NRXN3: variants seen among roughly 807,000 people sequenced by gnomAD.
The protein encoded by NRXN3 is neurexin III.
Under a neutral mutation model 137.6 loss-of-function variants are expected in NRXN3, and 32 were observed. The observed-to-expected ratio is 0.23, with a 90% CI of 0.18 to 0.31. The LOEUF (loss-of-function observed/expected upper bound fraction) is 0.31, where lower values mean the gene tolerates loss of function less well. NRXN3 is among the 10% of genes least tolerant of loss of function. The pLI is 1.00. For synonymous variants in NRXN3, 798 were observed against 784.5 expected, an observed-to-expected ratio of 1.02 and a Z score of -0.29; for missense variants, 1,574 against 2,062.5, an observed-to-expected ratio of 0.76 and a Z score of 4.59.
chr14:78,975,439 T>C (rs1239692868), intron 14 of NRXN3, among the ~76,000 whole-genome samples: 1 of 152,176 alleles, frequency 6.6e-6, no homozygotes, highest in Non-Finnish European at 1.5e-5. Context: ...GGGGATATGA[T>C]AGCACATGAA....
At chr14:79,805,721 A>G (rs979265616) in intron 20 of NRXN3, among the ~76,000 whole-genome samples, 9 of 152,214 alleles carry the variant, frequency 5.9e-5, no homozygotes, top group African/African-American at 2.2e-4. Flanking sequence ...AACAGCAGTT[A>G]ACATGGTATT....
chr14:79,026,531 T>A (rs1045863667), intron 15 of NRXN3, among the ~76,000 whole-genome samples: 9 of 151,764 alleles, frequency 5.9e-5, no homozygotes, highest in African/African-American at 2.2e-4. Context: ...ACCAGAAAAA[T>A]TGAATCAATG....
intron 19 of NRXN3, among the ~76,000 whole-genome samples, chr14:79,749,459 G>T (rs1182966825): frequency 2.6e-5 from 4 of 151,764 alleles, no homozygotes; most frequent in African/African-American, 9.7e-5. Flanking sequence ...TAGTGACAGG[G>T]TATTACTATG....
chr14:79,450,823 G>A lies in NRXN3; in HGVS notation c.3263-16398G>A, dbSNP rs1229660008. On this transcript the variant is annotated intron_variant, in intron 15 of 20. Coordinates refer to ENST00000335750, the MANE Select transcript of NRXN3 (RefSeq NM_001330195.2). Reference sequence around the variant, plus strand: ...AGAGGTTGCAGTGGGCCGGGCTCACGCCACTGCACTCCAGCCTGGGCAACA... The same window carrying A: ...AGAGGTTGCAGTGGGCCGGGCTCACACCACTGCACTCCAGCCTGGGCAACA... 7.3e-5 allele frequency among the ~76,000 whole-genome samples: 11 copies of A among 151,510 alleles called. No individual in the cohort carries two copies. The East Asian group carries it at 1.8e-3, about 24-fold the overall frequency.
At chr14:79,165,877 C>T (rs377696159) in intron 15 of NRXN3, among the ~76,000 whole-genome samples, 8 of 152,036 alleles carry the variant, frequency 5.3e-5, no homozygotes, top group Non-Finnish European at 7.4e-5. Flanking sequence ...ACTGCTGATC[C>T]GTGCCTGATG....
intron 16 of NRXN3, among the ~76,000 whole-genome samples, chr14:79,539,230 C>T (rs1167306447): frequency 2.6e-5 from 4 of 152,080 alleles, no homozygotes; most frequent in African/African-American, 4.8e-5. Context: ...GACTGGGTTT[C>T]ACCACGTTGG....
intron 15 of NRXN3, among the ~76,000 whole-genome samples, chr14:79,341,490 A>G (rs1237059094): frequency 1.3e-5 from 2 of 152,182 alleles, no homozygotes; most frequent in East Asian, 1.9e-4. Context: ...GACCCACTGA[A>G]AGAGAATCAG....
chr14:78,983,581 G>A (rs1053541647), intron 14 of NRXN3, among the ~76,000 whole-genome samples: 4 of 152,080 alleles, frequency 2.6e-5, no homozygotes, highest in African/African-American at 9.7e-5. Context: ...TGGGAAGGCT[G>A]GGTGTGGTGG....
chr14:79,035,541 A>G (rs560543360), intron 15 of NRXN3, among the ~76,000 whole-genome samples: 1 of 152,126 alleles, frequency 6.6e-6, no homozygotes, highest in South Asian at 2.1e-4. Flanking sequence ...ATATACTTAT[A>G]CAGCATCTTA....
At chr14:78,527,234 C>T (rs975744113) in intron 4 of NRXN3, among the ~76,000 whole-genome samples, 2 of 152,192 alleles carry the variant, frequency 1.3e-5, no homozygotes, top group Non-Finnish European at 2.9e-5. Flanking sequence ...GCTCATGGTA[C>T]TGCAGGCTGT....
intron 4 of NRXN3, among the ~76,000 whole-genome samples, chr14:78,327,646 A>G (rs548811207): frequency 1.3e-4 from 20 of 152,298 alleles, no homozygotes; most frequent in South Asian, 4.1e-4. Flanking sequence ...TGGAATGCCT[A>G]TTATCCGCCT....
chr14:79,818,428 C>T (rs548194563), intron 20 of NRXN3, among the ~76,000 whole-genome samples: 1 of 152,294 alleles, frequency 6.6e-6, no homozygotes, highest in African/African-American at 2.4e-5. Context: ...CCACCTTTAA[C>T]TGATGTTAGG....
At chr14:78,995,200 C>T (rs1369805252) in intron 15 of NRXN3, among the ~76,000 whole-genome samples, 1 of 152,154 alleles carries the variant, frequency 6.6e-6, no homozygotes, top group African/African-American at 2.4e-5. Flanking sequence ...TTATTTGCAT[C>T]ATATTGTGGA....
In NRXN3 at chr14:78,633,251, C is replaced by CAAAAAAAAAAAAAA. The variant is rs779442429; in HGVS notation, c.758-11865_758-11852dup. Among the ~76,000 whole-genome samples the CAAAAAAAAAAAAAA allele has an allele frequency of 9.8e-3, 664 of 67,930 alleles. 61 individuals carry two copies. Among genetic ancestry groups the CAAAAAAAAAAAAAA allele is most frequent in the East Asian group, 0.074 (162 of 2,180 alleles). 44.6% of individuals were successfully genotyped at this position (67,930 alleles called of 152,430 possible). A position where few individuals can be genotyped will look rare whatever the true frequency, so the allele number is the denominator to read the frequency against. On this transcript the variant is annotated intron_variant, in intron 4 of 20. Transcript: ENST00000335750. ...CCTGGGCTACAGAGCGAGACTCTGT[C>CAAAAAAAAAAAAAA]AAAAAAAAAAAAAAAAAGAGACTGG...
At chr14:78,184,873 A>G (rs1056560236) in intron 1 of NRXN3, among the ~76,000 whole-genome samples, 4 of 152,242 alleles carry the variant, frequency 2.6e-5, no homozygotes, top group Non-Finnish European at 5.9e-5. Context: ...TGCTGGGTGG[A>G]TGGAGGAACC....
Position 78,840,494 on chromosome 14 carries a change from G to A in NRXN3, c.2275+30150G>A, listed in dbSNP as rs539690660. Among the ~76,000 whole-genome samples, 10 of 152,322 alleles carry A rather than the reference G, an allele frequency of 6.6e-5. 1 individual carries two copies. In the East Asian group the frequency reaches 1.9e-3, roughly 29 times the overall value. ...TAGTCAGAATAGGTTAGGCTGTGTT[G>A]TGGTAACAAGCCAACCCCATACCTC... On this transcript the variant is annotated intron_variant, in intron 10 of 20. Transcript: ENST00000335750.
In NRXN3 at chr14:78,915,345, CAAAAA is replaced by C. The variant is rs35908076; in HGVS notation, c.2276-41874_2276-41870del. On this transcript the variant is annotated intron_variant, in intron 10 of 20. Coordinates refer to ENST00000335750, the MANE Select transcript of NRXN3 (RefSeq NM_001330195.2). Reference sequence around the variant, plus strand: ...CCCAAACATCTTTCTACGTGTGAAGCAAAAAAAAAAAAAAAAAAAAAAAAAAACCA... The same window carrying C: ...CCCAAACATCTTTCTACGTGTGAAGCAAAAAAAAAAAAAAAAAAAAAACCA... 8.0e-4 allele frequency among the ~76,000 whole-genome samples: 9 copies of C among 11,182 alleles called. No individual in the cohort carries two copies. The South Asian group carries it at 0.018, about 23-fold the overall frequency. The allele number at this position is 11,182 out of a possible 152,430, so 7.3% of individuals were successfully genotyped here.
intron 16 of NRXN3, among the ~76,000 whole-genome samples, chr14:79,487,312 G>A (rs577867724): frequency 7.2e-5 from 11 of 151,792 alleles, no homozygotes; most frequent in African/African-American, 1.4e-4. Context: ...TCACTGCATC[G>A]CATTTCATTT....
At chr14:79,714,344 G>A (rs1313754829) in intron 19 of NRXN3, among the ~76,000 whole-genome samples, 3 of 152,172 alleles carry the variant, frequency 2.0e-5, no homozygotes, top group African/African-American at 7.2e-5. Context: ...AGACAATCAT[G>A]AATAGAAAAG....
Sources: allele counts gnomAD v4.1 joint callset (sites outside exome capture counted in the v4.1 genomes callset), GRCh38; gene constraint gnomAD v4.1.1; transcripts MANE v1.5; gene names NCBI Gene and HGNC (gene_info 2026-07-23, HGNC 2026-07-21).